NAA15: variants seen among roughly 807,000 people sequenced by gnomAD.
NAA15 encodes the protein N-alpha-acetyltransferase 15, NatA auxiliary subunit.
NAA15 carries 34 observed loss-of-function variants against 114.0 expected under a neutral mutation model. That is an observed-to-expected ratio of 0.30 (90% CI 0.23 to 0.40). The LOEUF (loss-of-function observed/expected upper bound fraction) is 0.40, where lower values mean the gene tolerates loss of function less well. Ranked by LOEUF, NAA15 falls within the 10% of genes least tolerant of loss-of-function variation. The pLI is 1.00. For synonymous variants in NAA15, 340 were observed against 338.0 expected (o/e 1.01, Z -0.06); for missense variants, 658 against 1,004.5 (o/e 0.66, Z 4.66).
intron 3 of NAA15, among the ~76,000 whole-genome samples, chr4:139,340,278 C>T (rs1044345356): frequency 3.9e-5 from 6 of 152,120 alleles, no homozygotes; most frequent in Non-Finnish European, 8.8e-5. Context: ...GCAAAGACCA[C>T]ACCACGACAC....
At chr4:139,355,266 T>G (rs1747913714) in intron 10 of NAA15, among the ~76,000 whole-genome samples, 1 of 152,224 alleles carries the variant, frequency 6.6e-6, no homozygotes, top group Non-Finnish European at 1.5e-5. Context: ...TTGCCTTTCC[T>G]TTTTTGAAGT....
At chr4:139,348,452 C>CAA (rs35328479) in intron 6 of NAA15, among the ~76,000 whole-genome samples, 11 of 87,962 alleles carry the variant, frequency 1.3e-4, no homozygotes, top group Admixed American at 4.0e-4. Context: ...GACTGTATCA[C>CAA]AAAAAAAAAA....
intron 1 of NAA15, among the ~76,000 whole-genome samples, chr4:139,303,806 TAAGC>T (rs1164373238): frequency 6.6e-6 from 1 of 152,224 alleles, no homozygotes; most frequent in Non-Finnish European, 1.5e-5. Context: ...TCTAAATACT[TAAGC>T]AAGCATCTCC....
chr4:139,330,514 C>A (rs547177386), intron 1 of NAA15, among the ~76,000 whole-genome samples: 1 of 152,184 alleles, frequency 6.6e-6, no homozygotes, highest in Non-Finnish European at 1.5e-5. Context: ...TGCCAAGAAA[C>A]CGGGTCTGAT....
At chr4:139,357,739 A>T (rs955204424) in intron 11 of NAA15, among the ~76,000 whole-genome samples, 184 bp downstream of exon 11, 21 of 152,206 alleles carry the variant, frequency 1.4e-4, no homozygotes, top group African/African-American at 5.1e-4. Context: ...TAATTTGGTG[A>T]TTTATCTATA....
intron 4 of NAA15, 46 bp from the exon 5 acceptor site, chr4:139,342,780 G>A (rs1442171940): frequency 1.9e-6 from 3 of 1,580,606 alleles, no homozygotes; most frequent in Non-Finnish European, 2.6e-6. Context: ...AGCACTTGCT[G>A]TTACTAAAAG....
chr4:139,324,270 TA>T, intron 1 of NAA15, among the ~76,000 whole-genome samples: 1 of 152,382 alleles, frequency 6.6e-6, no homozygotes, highest in Middle Eastern at 3.4e-3. Flanking sequence ...TGAAAAACAA[TA>T]GCCTGCATTA....
chr4:139,368,401 C>T (rs1010209805), intron 14 of NAA15, among the ~76,000 whole-genome samples: 1 of 152,102 alleles, frequency 6.6e-6, no homozygotes, highest in African/African-American at 2.4e-5. Context: ...CATAGTGAGA[C>T]CCTGTCTCTA....
chr4:139,365,686 A>C (rs532137800), intron 14 of NAA15, among the ~76,000 whole-genome samples: 19 of 151,964 alleles, frequency 1.3e-4, no homozygotes, highest in African/African-American at 3.4e-4. Context: ...TACAAAAAAA[A>C]CCCCAACCAA....
intron 6 of NAA15, among the ~76,000 whole-genome samples, chr4:139,349,062 T>G (rs1747693445): frequency 6.6e-6 from 1 of 152,232 alleles, no homozygotes; most frequent in Non-Finnish European, 1.5e-5. Flanking sequence ...AGAATTGTTT[T>G]GTAGCTGATT....
At chr4:139,332,002 G>A (rs1187122992) in intron 1 of NAA15, among the ~76,000 whole-genome samples, 2 of 152,090 alleles carry the variant, frequency 1.3e-5, no homozygotes, top group South Asian at 2.1e-4. Flanking sequence ...TTCCATGTTA[G>A]CAAGCACACT....
chr4:139,351,478 A>G, intron 8 of NAA15, 27 bp from the exon 9 acceptor site: 1 of 1,329,288 alleles, frequency 7.5e-7, no homozygotes. Context: ...TGATAAATAT[A>G]AGCGAAAAGG....
At position 139,307,955 on chromosome 4, in the gene NAA15, AATT is replaced by A. The variant is rs913452066; in HGVS notation, c.54+6143_54+6145del. ...GGCTGTATACATTGTATAATAAGTAAATTATTATTATTATTATTATTTTTTTGA... is the reference window on the plus strand; with the variant it reads ...GGCTGTATACATTGTATAATAAGTAAATTATTATTATTATTATTTTTTTGA... On this transcript the variant is annotated intron_variant, in intron 1 of 19. Coordinates refer to ENST00000296543, the MANE Select transcript of NAA15 (RefSeq NM_057175.5). Among the ~76,000 whole-genome samples, 102 of 151,638 alleles carry A rather than the reference AATT, an allele frequency of 6.7e-4. 1 individual carries two copies. Among genetic ancestry groups the A allele is most frequent in the African/African-American group, 2.3e-3 (96 of 41,354 alleles).
In NAA15 at chr4:139,359,700, C is replaced by G. The variant is rs113890225; in HGVS notation, c.1258-43C>G. The G allele has an allele frequency of 2.6e-6, 4 of 1,559,632 alleles. No individual in the cohort carries two copies. The Admixed American group carries it at 9.0e-5, about 35-fold the overall frequency. ...GATAATGAATTACCTGCACAGTAAACTTAGCATGCTAACTGGTTTATTTTG... is the reference window on the plus strand; with the variant it reads ...GATAATGAATTACCTGCACAGTAAAGTTAGCATGCTAACTGGTTTATTTTG... On this transcript the variant is annotated intron_variant, in intron 11 of 19. Coordinates refer to ENST00000296543, the MANE Select transcript of NAA15 (RefSeq NM_057175.5).
chr4:139,319,288 A>G (rs182230235), intron 1 of NAA15, among the ~76,000 whole-genome samples: 43 of 152,042 alleles, frequency 2.8e-4, no homozygotes, highest in Admixed American at 8.5e-4. Context: ...TTGTATTTCT[A>G]GTAGAGATGG....
rs373541583 is a variant in NAA15 at position 139,379,175 on chromosome 4, T to TGA, written c.2155+322_2155+323dup. 738 of 184,356 alleles carry TGA rather than the reference T, an allele frequency of 4.0e-3. 4 individuals carry two copies. Among genetic ancestry groups the TGA allele is most frequent in the South Asian group, 0.012 (69 of 5,874 alleles). The allele number at this position is 184,356 out of a possible 1,614,324, so 11.4% of individuals were successfully genotyped here. A position where few individuals can be genotyped will look rare whatever the true frequency, so the allele number is the denominator to read the frequency against. ...ACTTCTTAGTAAATTGTTTTGAAAT[T>TGA]GAAGAATCTCTTTGAAATTGACTGT... On this transcript the variant is annotated intron_variant, in intron 17 of 19. Transcript: ENST00000296543.
chr4:139,307,952 G>A (rs748912630), intron 1 of NAA15, among the ~76,000 whole-genome samples: 6 of 151,934 alleles, frequency 3.9e-5, no homozygotes, highest in Non-Finnish European at 8.8e-5. Flanking sequence ...TGTATAATAA[G>A]TAAATTATTA....
At position 139,349,548 on chromosome 4, in the gene NAA15, T is replaced by A; in HGVS notation, c.778T>A (p.Tyr260Asn). 6.2e-7 allele frequency: 1 copy of A among 1,611,928 alleles called. No homozygotes were observed. Among genetic ancestry groups the A allele is most frequent in the South Asian group, 1.1e-5 (1 of 90,036 alleles). ...AGAGAGAAATCCTGAAAACTGGGCCTATTACAAAGGCTTGGAAAAAGCACT... is the reference window on the plus strand; with the variant it reads ...AGAGAGAAATCCTGAAAACTGGGCCAATTACAAAGGCTTGGAAAAAGCACT... ...LQERNPENWAYYKGLEKALKP... is the reference protein window; with the variant it reads ...LQERNPENWANYKGLEKALKP... The change falls in exon 7 of 20, where the codon TAT becomes AAT. Residue 260 changes from tyrosine (Y) to asparagine (N), a missense_variant. Tyr to Asn is a moderately radical substitution (Grantham distance 143). Transcript: ENST00000296543.
At chr4:139,327,312 C>T (rs1239369584) in intron 1 of NAA15, among the ~76,000 whole-genome samples, 1 of 152,138 alleles carries the variant, frequency 6.6e-6, no homozygotes, top group African/African-American at 2.4e-5. Flanking sequence ...TACAGTGGTG[C>T]AATTTCTGCT....
Sources: allele counts gnomAD v4.1 joint callset (sites outside exome capture counted in the v4.1 genomes callset), GRCh38; gene constraint gnomAD v4.1.1; transcripts MANE v1.5; gene names NCBI Gene and HGNC (gene_info 2026-07-23, HGNC 2026-07-21).